ADGRL2: variants seen among roughly 807,000 people sequenced by gnomAD.
The protein encoded by ADGRL2 is adhesion G protein-coupled receptor L2, also known as calcium-independent alpha-latrotoxin receptor 2.
ADGRL2 carries 44 observed loss-of-function variants against 157.4 expected under a neutral mutation model. That is an observed-to-expected ratio of 0.28 (90% confidence interval 0.22 to 0.36). ADGRL2 has a LOEUF of 0.36. Among genes scored for constraint, ADGRL2 ranks in the 10% least tolerant of loss-of-function variants. The probability of loss-of-function intolerance (pLI) is 1.00; values close to 1 mark genes in which losing one functional copy is unlikely to be tolerated. For synonymous variants in ADGRL2, 585 were observed against 624.7 expected (o/e 0.94, Z 0.95); for missense variants, 1,510 against 1,768.9 (o/e 0.85, Z 2.63).
At chr1:81,388,169 A>G (rs895751249) in intron 1 of ADGRL2, among the ~76,000 whole-genome samples, 5 of 152,154 alleles carry the variant, frequency 3.3e-5, no homozygotes, top group Non-Finnish European at 7.4e-5. Flanking sequence ...TGATAATTCC[A>G]ATATCCAAAA....
At chr1:81,497,875 CATACA>C (rs2078762993) in intron 2 of ADGRL2, among the ~76,000 whole-genome samples, 1 of 152,094 alleles carries the variant, frequency 6.6e-6, no homozygotes, top group South Asian at 2.1e-4. Context: ...AAGGCTAAAG[CATACA>C]ATAGATCACT....
chr1:81,516,482 T>C lies in ADGRL2; in HGVS notation c.-247-64394T>C, dbSNP rs914180919. On this transcript the variant is annotated intron_variant, in intron 2 of 24. Coordinates refer to the ADGRL2 transcript ENST00000370721. ...ACACCCCCATCACTCCTGCAAAGTA[T>C]TACCTGACTTTTAGAGTCTATAGTA... is the stretch of plus-strand genomic sequence containing the variant. Among the ~76,000 whole-genome samples, 3 of 152,232 alleles carry C rather than the reference T, an allele frequency of 2.0e-5. No individual in the cohort carries two copies. The East Asian group carries it at 5.8e-4, about 29-fold the overall frequency.
chr1:81,704,452 A>G, intron 1 of ADGRL2, among the ~76,000 whole-genome samples: 1 of 152,120 alleles, frequency 6.6e-6, no homozygotes, highest in East Asian at 1.9e-4. Flanking sequence ...GAGCATTGAG[A>G]TTCCTGGAGA....
intron 1 of ADGRL2, among the ~76,000 whole-genome samples, chr1:81,388,560 G>A (rs1446990808): frequency 6.6e-6 from 1 of 152,082 alleles, no homozygotes; most frequent in Non-Finnish European, 1.5e-5. Context: ...TAACTTCAAG[G>A]TGATGAATTT....
At chr1:81,615,403 G>T (rs959856397) in intron 3 of ADGRL2, among the ~76,000 whole-genome samples, 3 of 152,182 alleles carry the variant, frequency 2.0e-5, no homozygotes, top group African/African-American at 7.2e-5. Flanking sequence ...AATAAATCTT[G>T]CTGCTGCTCA....
intron 1 of ADGRL2, among the ~76,000 whole-genome samples, chr1:81,701,463 C>G (rs1458310518): frequency 4.6e-5 from 7 of 152,100 alleles, no homozygotes; most frequent in Non-Finnish European, 1.5e-5. Flanking sequence ...TCAGCATTGG[C>G]TGGGTCCAGA....
chr1:81,840,619 G>T (rs1388248366), intron 2 of ADGRL2, among the ~76,000 whole-genome samples: 1 of 151,954 alleles, frequency 6.6e-6, no homozygotes, highest in African/African-American at 2.4e-5. Context: ...TTTGAATCAA[G>T]TCTTACCCAT....
chr1:81,803,146 A>C (rs2088551517), intron 1 of ADGRL2, among the ~76,000 whole-genome samples: 1 of 152,036 alleles, frequency 6.6e-6, no homozygotes, highest in African/African-American at 2.4e-5. Context: ...TGGGGGTGCC[A>C]CTGGGGAGTG....
At chr1:81,935,147 G>C (rs1045595944) in intron 3 of ADGRL2, among the ~76,000 whole-genome samples, 3 of 151,824 alleles carry the variant, frequency 2.0e-5, no homozygotes, top group Admixed American at 1.3e-4. Flanking sequence ...AAAATAATTC[G>C]TTTACACTAA....
At chr1:81,330,479 A>T (rs142363579) in intron 1 of ADGRL2, among the ~76,000 whole-genome samples, 67 of 152,250 alleles carry the variant, frequency 4.4e-4, no homozygotes, top group Admixed American at 9.8e-4. Context: ...TCTAACTACA[A>T]TCCAAAAATA....
At chr1:81,673,143 A>G (rs776018559) in intron 3 of ADGRL2, among the ~76,000 whole-genome samples, 7 of 152,258 alleles carry the variant, frequency 4.6e-5, no homozygotes, top group Non-Finnish European at 1.0e-4. Flanking sequence ...GCATTTAAAG[A>G]AAGAATATCC....
intron 2 of ADGRL2, among the ~76,000 whole-genome samples, chr1:81,543,077 C>T (rs2079925921): frequency 6.7e-6 from 1 of 150,276 alleles, no homozygotes; most frequent in African/African-American, 2.5e-5. Context: ...TTTTGAACTT[C>T]AAGATAAGTT....
chr1:81,606,487 TCATGCA>T (rs202049865), intron 3 of ADGRL2, among the ~76,000 whole-genome samples: 4,003 of 122,100 alleles, frequency 0.033, 164 homozygotes, highest in African/African-American at 0.12. Context: ...ATACACAGGT[TCATGCA>T]CATGCACACA....
intron 1 of ADGRL2, among the ~76,000 whole-genome samples, chr1:81,344,399 G>A (rs78889726): frequency 0.022 from 3,351 of 152,134 alleles, 130 homozygotes; most frequent in African/African-American, 0.077. Flanking sequence ...ATTATAGGCC[G>A]GGCACAGAGG....
chr1:81,844,512 C>T (rs2092713227), intron 2 of ADGRL2, among the ~76,000 whole-genome samples: 1 of 152,214 alleles, frequency 6.6e-6, no homozygotes, highest in Non-Finnish European at 1.5e-5. Context: ...ACTGATTTAT[C>T]TGCCATATTA....
intron 1 of ADGRL2, among the ~76,000 whole-genome samples, chr1:81,374,704 G>A (rs185035991): frequency 6.6e-6 from 1 of 152,262 alleles, no homozygotes; most frequent in Admixed American, 6.5e-5. Flanking sequence ...GACTGTGGTA[G>A]CACTTGTCTG....
intron 2 of ADGRL2, among the ~76,000 whole-genome samples, chr1:81,866,610 T>TAA (rs1217746739): frequency 2.0e-5 from 3 of 152,162 alleles, no homozygotes; most frequent in Admixed American, 6.6e-5. Flanking sequence ...TTTGAATTGT[T>TAA]ACTGTGGCAG....
chr1:81,950,367 A>G lies in ADGRL2; in HGVS notation c.1389A>G (p.Thr463=), dbSNP rs1323036742. The G allele has an allele frequency of 1.2e-6, 2 of 1,614,054 alleles. No homozygotes were observed. The highest frequency in any genetic ancestry group is 1.7e-6 in the Non-Finnish European group (2 of 1,179,962). The part of the protein sequence containing the change: ...AVSTTKIPPI[T]NIFPLPERFC... ...CTACAACCAAAATTCCACCTATAAC[A>G]AATATTTTTCCCCTGCCAGAGAGAT... Residue 463 remains threonine (T), a synonymous_variant, in exon 7 of 24, where the codon ACA becomes ACG. Coordinates refer to ENST00000686636, the MANE Select transcript of ADGRL2 (RefSeq NM_001366006.2).
intron 1 of ADGRL2, among the ~76,000 whole-genome samples, chr1:81,387,895 C>T (rs2076465675): frequency 6.6e-6 from 1 of 152,080 alleles, no homozygotes; most frequent in South Asian, 2.1e-4. Context: ...ATTCTTCATT[C>T]TATGCTCTGT....
Sources: gnomAD v4.1 joint callset for allele counts (sites outside exome capture counted in the v4.1 genomes callset) on GRCh38, gnomAD v4.1.1 for gene constraint, MANE v1.5 for transcripts, NCBI Gene and HGNC (gene_info 2026-07-23, HGNC 2026-07-21) for gene names.